RIT2: variants seen among roughly 807,000 people sequenced by gnomAD.
RIT2 encodes the protein GTP-binding protein Rit2.
RIT2 carries 24 observed loss-of-function variants against 23.7 expected under a neutral mutation model. The ratio of observed to expected loss-of-function variants is 1.01; its 90% CI spans 0.73 to 1.43. RIT2 has a LOEUF of 1.43. RIT2 is among the 40% of genes most tolerant of loss of function. The pLI is 0.00. For missense variants in RIT2, 236 were observed against 266.9 expected (o/e 0.88, Z 0.81); for synonymous variants, 107 against 91.1 (o/e 1.17, Z -0.99).
intron 4 of RIT2, among the ~76,000 whole-genome samples, chr18:42,871,729 C>T (rs1436900446): frequency 1.3e-5 from 2 of 152,180 alleles, no homozygotes; most frequent in African/African-American, 4.8e-5. Context: ...GTAGAAGCTG[C>T]CTTGGCCAGT....
At chr18:42,782,315 G>A (rs952704428) in intron 4 of RIT2, among the ~76,000 whole-genome samples, 1 of 152,026 alleles carries the variant, frequency 6.6e-6, no homozygotes, top group Non-Finnish European at 1.5e-5. Context: ...TTATTCCTTA[G>A]TGTTATATAA....
At chr18:42,898,914 C>T (rs1908402883) in intron 4 of RIT2, among the ~76,000 whole-genome samples, 1 of 152,052 alleles carries the variant, frequency 6.6e-6, no homozygotes, top group African/African-American at 2.4e-5. Context: ...TTTTCAGCGC[C>T]CCTCATTGGA....
At chr18:43,070,403 G>A (rs1912871024) in intron 1 of RIT2, among the ~76,000 whole-genome samples, 2 of 152,072 alleles carry the variant, frequency 1.3e-5, no homozygotes, top group African/African-American at 4.8e-5. Context: ...TTATATTAAT[G>A]GCAAGCTATA....
intron 4 of RIT2, among the ~76,000 whole-genome samples, chr18:42,812,015 G>A (rs539646368): frequency 1.3e-5 from 2 of 152,102 alleles, no homozygotes; most frequent in Non-Finnish European, 2.9e-5. Flanking sequence ...GGAAGCAGAA[G>A]AAAACACAGC....
At chr18:42,828,606 C>G (rs78046335) in intron 4 of RIT2, among the ~76,000 whole-genome samples, 16,395 of 152,250 alleles carry the variant, frequency 0.11, 998 homozygotes, top group Middle Eastern at 0.24. Flanking sequence ...AGGCAATGGT[C>G]ACCCAAGATC....
At chr18:42,857,375 A>C (rs990056930) in intron 4 of RIT2, among the ~76,000 whole-genome samples, 10 of 152,194 alleles carry the variant, frequency 6.6e-5, no homozygotes, top group Non-Finnish European at 1.2e-4. Context: ...TTTTTATATC[A>C]AATCACACAT....
At chr18:43,013,883 T>G (rs1041961359) in intron 2 of RIT2, among the ~76,000 whole-genome samples, 12 of 151,724 alleles carry the variant, frequency 7.9e-5, no homozygotes, top group African/African-American at 2.7e-4. Flanking sequence ...TTCTTTATGG[T>G]TCCCCAGCTC....
At chr18:42,919,402 C>A (rs1908996705) in intron 4 of RIT2, among the ~76,000 whole-genome samples, 1 of 151,984 alleles carries the variant, frequency 6.6e-6, no homozygotes, top group Admixed American at 6.6e-5. Flanking sequence ...GTTTGTCTAT[C>A]TTCAGGATAT....
At chr18:43,001,301 A>G (rs1911098876) in intron 2 of RIT2, among the ~76,000 whole-genome samples, 1 of 152,020 alleles carries the variant, frequency 6.6e-6, no homozygotes, top group African/African-American at 2.4e-5. Context: ...GCTTCAATGT[A>G]GGCAGAAAAT....
At chr18:42,767,507 T>G (rs1913452693) in intron 4 of RIT2, among the ~76,000 whole-genome samples, 1 of 152,196 alleles carries the variant, frequency 6.6e-6, no homozygotes, top group African/African-American at 2.4e-5. Flanking sequence ...CTGCTTTTGA[T>G]TTTACAGGCT....
intron 1 of RIT2, among the ~76,000 whole-genome samples, chr18:43,083,906 C>T (rs1308111601): frequency 6.6e-6 from 1 of 152,110 alleles, no homozygotes; most frequent in Non-Finnish European, 1.5e-5. Flanking sequence ...AATGAAAGGG[C>T]TTCTGCACAG....
At chr18:43,042,507 A>G (rs1178774550) in intron 1 of RIT2, among the ~76,000 whole-genome samples, 3 of 152,152 alleles carry the variant, frequency 2.0e-5, no homozygotes, top group African/African-American at 7.2e-5. Flanking sequence ...TCTCCTCCAG[A>G]TACCTGCATG....
chr18:43,113,563 T>G (rs770618630), intron 1 of RIT2, among the ~76,000 whole-genome samples: 7 of 152,192 alleles, frequency 4.6e-5, no homozygotes, highest in Non-Finnish European at 8.8e-5. Flanking sequence ...AACAATGATC[T>G]GTCAGCACAA....
chr18:42,797,844 A>G (rs1043067141), intron 4 of RIT2, among the ~76,000 whole-genome samples: 12 of 152,216 alleles, frequency 7.9e-5, no homozygotes, highest in African/African-American at 2.9e-4. Flanking sequence ...TTTAGAAAAT[A>G]CTGAAATGGC....
chr18:43,059,214 T>C (rs1324254386), intron 1 of RIT2, among the ~76,000 whole-genome samples: 1 of 152,188 alleles, frequency 6.6e-6, no homozygotes, highest in Non-Finnish European at 1.5e-5. Context: ...AAGCGTTTTA[T>C]ATACATCACC....
intron 4 of RIT2, among the ~76,000 whole-genome samples, chr18:42,853,256 T>C (rs1568013153): frequency 6.6e-6 from 1 of 152,176 alleles, no homozygotes; most frequent in Non-Finnish European, 1.5e-5. Flanking sequence ...ATCTGCTAAG[T>C]CATTTGGGGT....
At chr18:42,901,024 T>C (rs557846594) in intron 4 of RIT2, among the ~76,000 whole-genome samples, 2 of 152,132 alleles carry the variant, frequency 1.3e-5, no homozygotes, top group South Asian at 4.1e-4. Context: ...AAGGGCAATA[T>C]TGGATAAAAC....
At chr18:42,863,607 T>G (rs1907388053) in intron 4 of RIT2, among the ~76,000 whole-genome samples, 1 of 152,132 alleles carries the variant, frequency 6.6e-6, no homozygotes, top group African/African-American at 2.4e-5. Context: ...TCAAATTAAA[T>G]TTGGAAGCCA....
chr18:42,893,899 A>T (rs541310287), intron 4 of RIT2, among the ~76,000 whole-genome samples: 1 of 152,208 alleles, frequency 6.6e-6, no homozygotes, highest in African/African-American at 2.4e-5. Flanking sequence ...AACTCACAAG[A>T]TTAAAACAAT....
Sources: gnomAD v4.1 joint callset for allele counts (sites outside exome capture counted in the v4.1 genomes callset) on GRCh38, gnomAD v4.1.1 for gene constraint, MANE v1.5 for transcripts, NCBI Gene and HGNC (gene_info 2026-07-23, HGNC 2026-07-21) for gene names.